Variants in MCTP1 observed in about 807,000 individuals in gnomAD.
The protein encoded by MCTP1 is multiple C2 and transmembrane domain containing 1.
Under a neutral mutation model 120.6 loss-of-function variants are expected in MCTP1, and 69 were observed. The observed-to-expected ratio is 0.57, with a 90% CI of 0.47 to 0.70. The LOEUF is 0.70. Ranked by LOEUF, MCTP1 falls within the 30% of genes least tolerant of loss-of-function variation. The pLI, the probability that MCTP1 is intolerant of heterozygous loss-of-function variation, is 0.00. For synonymous variants in MCTP1, 529 were observed against 493.1 expected (o/e 1.07, Z -0.96); for missense variants, 1,203 against 1,248.8 (o/e 0.96, Z 0.55).
At chr5:95,113,483 C>A (rs754024426) in intron 1 of MCTP1, among the ~76,000 whole-genome samples, 5 of 152,058 alleles carry the variant, frequency 3.3e-5, no homozygotes, top group African/African-American at 1.2e-4. Context: ...AGTGGGAGCA[C>A]ACAGAAATTG....
chr5:94,758,238 T>G (rs1165610088), intron 19 of MCTP1, among the ~76,000 whole-genome samples: 1 of 152,252 alleles, frequency 6.6e-6, no homozygotes, highest in African/African-American at 2.4e-5. Context: ...ATGGATGAAT[T>G]GAATAAATAA....
intron 17 of MCTP1, among the ~76,000 whole-genome samples, chr5:94,820,310 C>G (rs543093521): frequency 6.6e-6 from 1 of 152,276 alleles, no homozygotes; most frequent in South Asian, 2.1e-4. Context: ...GTTAACCACT[C>G]TGAACAGGAT....
chr5:95,098,194 A>G (rs903895921), intron 1 of MCTP1, among the ~76,000 whole-genome samples: 3 of 152,186 alleles, frequency 2.0e-5, no homozygotes, highest in Admixed American at 1.3e-4. Flanking sequence ...ATTTACACAT[A>G]TGAGTCACCT....
At chr5:94,836,995 A>C (rs1383000342) in intron 17 of MCTP1, among the ~76,000 whole-genome samples, 1 of 152,124 alleles carries the variant, frequency 6.6e-6, no homozygotes, top group Non-Finnish European at 1.5e-5. Flanking sequence ...TCTGACTTTT[A>C]ATCTCTTTCC....
chr5:95,094,332 A>T (rs1184596823), intron 1 of MCTP1, among the ~76,000 whole-genome samples: 1 of 152,198 alleles, frequency 6.6e-6, no homozygotes, highest in Non-Finnish European at 1.5e-5. Context: ...CTCAACTGTA[A>T]GCACCTTGAG....
At chr5:95,074,366 G>A (rs1264444017) in intron 1 of MCTP1, among the ~76,000 whole-genome samples, 1 of 152,298 alleles carries the variant, frequency 6.6e-6, no homozygotes, top group East Asian at 1.9e-4. Context: ...ACTTCTGGAG[G>A]GGCCACTAAG....
chr5:95,052,844 T>C (rs1457308343), intron 1 of MCTP1, among the ~76,000 whole-genome samples: 1 of 152,352 alleles, frequency 6.6e-6, no homozygotes, highest in East Asian at 1.9e-4. Context: ...AAAATAAGAC[T>C]GGGGTAGCCG....
chr5:94,827,912 T>C (rs576601812), intron 17 of MCTP1, among the ~76,000 whole-genome samples: 17 of 152,202 alleles, frequency 1.1e-4, no homozygotes, highest in African/African-American at 3.9e-4. Context: ...GGTTAGAACA[T>C]GCTCCTTTAG....
Position 95,106,736 on chromosome 5 carries a change from C to A in MCTP1, c.721-89252G>T, listed in dbSNP as rs529847428. 2.0e-5 allele frequency among the ~76,000 whole-genome samples: 3 copies of A among 152,244 alleles called. No individual in the cohort carries two copies. In the East Asian group the frequency reaches 5.8e-4, roughly 29 times the overall value. ...TGCTGACCTCCTGGGAGTAAACCTG[C>A]AATTTAGGGGATCTCTAAAGGTTAG... On this transcript the variant is annotated intron_variant, in intron 1 of 22. Transcript: ENST00000515393.
chr5:94,991,139 A>C (rs1257599716), intron 2 of MCTP1, among the ~76,000 whole-genome samples: 1 of 152,226 alleles, frequency 6.6e-6, no homozygotes, highest in Non-Finnish European at 1.5e-5. Context: ...TGTCTTTCCC[A>C]ATGACATTTT....
intron 6 of MCTP1, chr5:94,929,547 T>C (rs1814011090): frequency 2.9e-6 from 2 of 684,134 alleles, no homozygotes; most frequent in South Asian, 1.3e-4. Flanking sequence ...TTTAAGAAGA[T>C]TGAAATATTT....
chr5:95,164,773 T>C (rs1746130376), intron 1 of MCTP1, among the ~76,000 whole-genome samples: 1 of 152,206 alleles, frequency 6.6e-6, no homozygotes. Flanking sequence ...TTTCTATTTA[T>C]AAAAGGAATT....
chr5:95,131,260 A>G (rs916940316), intron 1 of MCTP1, among the ~76,000 whole-genome samples: 1 of 152,196 alleles, frequency 6.6e-6, no homozygotes, highest in African/African-American at 2.4e-5. Flanking sequence ...GAGGCACTGC[A>G]AGCAGGAGCA....
intron 19 of MCTP1, among the ~76,000 whole-genome samples, chr5:94,722,485 A>G (rs1179243827): frequency 6.6e-6 from 1 of 152,204 alleles, no homozygotes; most frequent in Non-Finnish European, 1.5e-5. Context: ...TATTACTATT[A>G]TAAAATCAAT....
chr5:95,036,908 T>C (rs1196366525), intron 1 of MCTP1, among the ~76,000 whole-genome samples: 2 of 136,460 alleles, frequency 1.5e-5, no homozygotes, highest in African/African-American at 5.3e-5. Context: ...AGAATTTCAT[T>C]CTTTCACTCA....
At chr5:94,779,402 G>T (rs1327258949) in intron 18 of MCTP1, among the ~76,000 whole-genome samples, 1 of 152,158 alleles carries the variant, frequency 6.6e-6, no homozygotes, top group Non-Finnish European at 1.5e-5. Flanking sequence ...ACAACCTAAA[G>T]AATTTGAAAT....
chr5:94,954,277 A>G (rs1038227583), intron 2 of MCTP1, among the ~76,000 whole-genome samples: 4 of 149,224 alleles, frequency 2.7e-5, no homozygotes, highest in African/African-American at 7.4e-5. Context: ...ACAGGAGGCC[A>G]TTACTCTAAG....
rs765283867 is a variant in MCTP1 at position 94,953,317 on chromosome 5, C to A, written c.883G>T (p.Val295Phe). 1.9e-6 allele frequency: 3 copies of A among 1,610,750 alleles called. No individual in the cohort carries two copies. The highest frequency in any genetic ancestry group is 2.5e-6 in the Non-Finnish European group (3 of 1,178,192). ...TTGTGTATTATCTTACTTCTAAAAA[C>A]TTCTTTTCCTCCGATTTTAAACTTC... ...YVKFKIGGKE[V>F]FRSKIIHKNL... The change falls in exon 3 of 23, where the codon GTT (valine) becomes TTT (phenylalanine). Residue 295 changes from valine (V) to phenylalanine (F), a missense_variant. This residue lies in a region of MCTP1 where 740 missense variants were observed against 871.1 expected (regional missense o/e 0.85). Coordinates refer to ENST00000515393, the MANE Select transcript of MCTP1 (RefSeq NM_024717.7).
At chr5:94,946,274 C>T (rs1342323176) in intron 3 of MCTP1, among the ~76,000 whole-genome samples, 3 of 152,090 alleles carry the variant, frequency 2.0e-5, no homozygotes, top group Non-Finnish European at 2.9e-5. Context: ...AGTGGGGAAG[C>T]GTGAGCTGCT....
Sources: gnomAD v4.1 joint callset for allele counts (sites outside exome capture counted in the v4.1 genomes callset) on GRCh38, gnomAD v4.1.1 for gene constraint, gnomAD v4.1.1 regional missense constraint, MANE v1.5 for transcripts, NCBI Gene and HGNC (gene_info 2026-07-23, HGNC 2026-07-21) for gene names.